Variants in TMPRSS15 observed in about 807,000 individuals in gnomAD.
The protein encoded by TMPRSS15 is enteropeptidase.
In TMPRSS15, 128 loss-of-function variants were observed where a neutral mutation model predicts 125.3. The observed-to-expected ratio is 1.02, with a 90% CI of 0.89 to 1.18. The LOEUF (loss-of-function observed/expected upper bound fraction) is 1.18, where lower values mean the gene tolerates loss of function less well. Ranked by LOEUF, TMPRSS15 falls within the 50% of genes most tolerant of loss-of-function variation. The pLI is 0.00. For synonymous variants in TMPRSS15, 446 were observed against 423.2 expected (o/e 1.05, Z -0.66); for missense variants, 1,283 against 1,212.7 (o/e 1.06, Z -0.86).
At chr21:18,381,231 G>C (rs1389254881) in intron 4 of TMPRSS15, among the ~76,000 whole-genome samples, 4 of 151,980 alleles carry the variant, frequency 2.6e-5, no homozygotes, top group African/African-American at 9.7e-5. Flanking sequence ...CTAACTAGGT[G>C]GTTTATTTCA....
chr21:18,388,152 A>G (rs991509569), intron 3 of TMPRSS15, among the ~76,000 whole-genome samples: 1 of 152,134 alleles, frequency 6.6e-6, no homozygotes, highest in South Asian at 2.1e-4. Flanking sequence ...TGCACTTTTC[A>G]AAAACTCACT....
At chr21:18,323,375 A>T (rs1310490719) in intron 16 of TMPRSS15, among the ~76,000 whole-genome samples, 1 of 152,200 alleles carries the variant, frequency 6.6e-6, no homozygotes, top group East Asian at 1.9e-4. Context: ...CTTACATGGC[A>T]GCAGGCAAGA....
intron 10 of TMPRSS15, among the ~76,000 whole-genome samples, chr21:18,344,787 C>G (rs2075487811): frequency 6.6e-6 from 1 of 152,056 alleles, no homozygotes; most frequent in African/African-American, 2.4e-5. Context: ...TTATTTTATT[C>G]TTAGTTTCCT....
At chr21:18,271,025 C>CCTT (rs1239146271) in intron 24 of TMPRSS15, among the ~76,000 whole-genome samples, 1 of 152,112 alleles carries the variant, frequency 6.6e-6, no homozygotes, top group Non-Finnish European at 1.5e-5. Context: ...TTTGTCTGAT[C>CCTT]CTTTTTATCA....
intron 1 of TMPRSS15, among the ~76,000 whole-genome samples, chr21:18,412,140 A>G (rs977435721): frequency 3.3e-5 from 5 of 152,194 alleles, no homozygotes; most frequent in Non-Finnish European, 5.9e-5. Context: ...TGCCAGCCAC[A>G]TCTGTAGCTC....
chr21:18,373,256 T>C (rs1486992017), intron 5 of TMPRSS15, among the ~76,000 whole-genome samples: 1 of 152,134 alleles, frequency 6.6e-6, no homozygotes, highest in Non-Finnish European at 1.5e-5. Flanking sequence ...AAGTTACTTC[T>C]TAATTAAAAA....
intron 1 of TMPRSS15, among the ~76,000 whole-genome samples, chr21:18,461,277 A>T (rs1304573571): frequency 2.0e-5 from 3 of 152,044 alleles, no homozygotes; most frequent in Admixed American, 2.0e-4. Context: ...ATGTAGTTAC[A>T]TTTCTTCCCT....
chr21:18,353,961 T>C, intron 8 of TMPRSS15, 98 bp from the exon 9 acceptor site: 1 of 1,160,228 alleles, frequency 8.6e-7, no homozygotes, highest in Non-Finnish European at 1.3e-6. Context: ...GTTTGTCAGT[T>C]GATCTATACA....
At chr21:18,354,430 TC>T (rs2075604170) in intron 8 of TMPRSS15, among the ~76,000 whole-genome samples, 1 of 151,714 alleles carries the variant, frequency 6.6e-6, no homozygotes, top group African/African-American at 2.4e-5. Context: ...ATTTTTTTTT[TC>T]ATTTTTGATT....
chr21:18,381,433 A>T lies in TMPRSS15; in HGVS notation c.497-2115T>A, dbSNP rs549741835. On this transcript the variant is annotated intron_variant, in intron 4 of 24. Coordinates refer to ENST00000284885, the MANE Select transcript of TMPRSS15 (RefSeq NM_002772.3). ...AGATATCTATGTAATTCTTAACTAA[A>T]TTTAAAACTATAAATTTGAAAATTC... Among the ~76,000 whole-genome samples, 60 of 152,260 alleles carry T rather than the reference A, an allele frequency of 3.9e-4. 1 individual carries two copies. In the South Asian group the frequency reaches 0.012, roughly 32 times the overall value.
intron 18 of TMPRSS15, among the ~76,000 whole-genome samples, chr21:18,303,563 G>A (rs893509387): frequency 3.3e-5 from 5 of 152,108 alleles, no homozygotes; most frequent in Non-Finnish European, 5.9e-5. Flanking sequence ...AGCTTCATAG[G>A]GCTGAGGTTT....
intron 21 of TMPRSS15, among the ~76,000 whole-genome samples, chr21:18,285,648 C>T (rs530811303): frequency 5.3e-5 from 8 of 152,166 alleles, no homozygotes; most frequent in African/African-American, 1.7e-4. Context: ...CCAGAGAGTA[C>T]GAAAGTTTTC....
chr21:18,451,274 T>C (rs980904393), intron 1 of TMPRSS15, among the ~76,000 whole-genome samples: 1 of 152,136 alleles, frequency 6.6e-6, no homozygotes, highest in Admixed American at 6.6e-5. Flanking sequence ...TCTGTTGTTA[T>C]GGAATTATTT....
At position 18,383,562 on chromosome 21, in the gene TMPRSS15, A is replaced by T. The variant is rs1173316302; in HGVS notation, c.496+65T>A. The T allele has an allele frequency of 5.8e-6, 9 of 1,564,416 alleles. No homozygotes were observed. The Admixed American group carries it at 6.7e-5, about 12-fold the overall frequency. On this transcript the variant is annotated intron_variant, in intron 4 of 24. Coordinates refer to ENST00000284885, the MANE Select transcript of TMPRSS15 (RefSeq NM_002772.3). ...AGCATGATTCCACTTCCTCCCTGGTATATTGCTAGAATTTTAATTTCATAG... is the reference window on the plus strand; with the variant it reads ...AGCATGATTCCACTTCCTCCCTGGTTTATTGCTAGAATTTTAATTTCATAG...
intron 5 of TMPRSS15, among the ~76,000 whole-genome samples, chr21:18,375,903 T>G (rs2075836941): frequency 6.6e-6 from 1 of 152,182 alleles, no homozygotes; most frequent in Non-Finnish European, 1.5e-5. Flanking sequence ...ATCCATTATT[T>G]TTCGCCTTCC....
intron 1 of TMPRSS15, among the ~76,000 whole-genome samples, chr21:18,461,646 T>C (rs1327646447): frequency 3.9e-5 from 6 of 152,188 alleles, no homozygotes; most frequent in Non-Finnish European, 8.8e-5. Context: ...TTTTATGGAA[T>C]AGTTTATGAA....
intron 1 of TMPRSS15, chr21:18,477,679 A>G: frequency 6.6e-6 from 1 of 152,218 alleles, no homozygotes; most frequent in Non-Finnish European, 1.5e-5. Flanking sequence ...GGTTTCTAGG[A>G]GCTCCAGGAT....
intron 1 of TMPRSS15, among the ~76,000 whole-genome samples, chr21:18,420,174 G>C (rs1423339352): frequency 6.6e-6 from 1 of 152,146 alleles, no homozygotes; most frequent in Admixed American, 6.5e-5. Context: ...TACCTGAAAT[G>C]GTTATTGAAT....
At chr21:18,364,005 C>G (rs1163324216) in intron 7 of TMPRSS15, among the ~76,000 whole-genome samples, 1 of 152,030 alleles carries the variant, frequency 6.6e-6, no homozygotes, top group Non-Finnish European at 1.5e-5. Context: ...TTGAACAATG[C>G]CAAGTAAGTG....
Sources: allele counts gnomAD v4.1 joint callset (sites outside exome capture counted in the v4.1 genomes callset), GRCh38; gene constraint gnomAD v4.1.1; transcripts MANE v1.5; gene names NCBI Gene and HGNC (gene_info 2026-07-23, HGNC 2026-07-21).